The following MGAM variants were observed in gnomAD, a reference collection of about 807,000 sequenced individuals.
MGAM encodes the protein maltase-glucoamylase.
MGAM carries 253 observed loss-of-function variants against 358.8 expected under a neutral mutation model. The observed-to-expected ratio is 0.71, with a 90% CI of 0.64 to 0.78. MGAM has a LOEUF of 0.78. Ranked by LOEUF, MGAM falls within the 30% of genes least tolerant of loss-of-function variation. The probability of loss-of-function intolerance (pLI) is 0.00; values close to 1 mark genes in which losing one functional copy is unlikely to be tolerated. For missense variants in MGAM, 3,080 were observed against 3,432.6 expected, an observed-to-expected ratio of 0.90 and a Z score of 2.57; for synonymous variants, 1,105 against 1,227.1, an observed-to-expected ratio of 0.90 and a Z score of 2.08.
At chr7:142,043,583 A>AAATAT (rs201199908) in intron 21 of MGAM, among the ~76,000 whole-genome samples, 7,689 of 35,286 alleles carry the variant, frequency 0.22, 2,418 homozygotes, top group African/African-American at 0.34. Context: ...TATGATATCT[A>AAATAT]AATATATAAT....
intron 20 of MGAM, 115 bp from the exon 21 acceptor site, chr7:142,040,607 C>A: frequency 7.5e-7 from 1 of 1,341,238 alleles, no homozygotes; most frequent in Non-Finnish European, 1.0e-6. Flanking sequence ...CCTGGCTAGA[C>A]CATAATTCAG....
chr7:142,013,281 C>A (rs1317741835), intron 3 of MGAM, among the ~76,000 whole-genome samples: 3 of 151,898 alleles, frequency 2.0e-5, no homozygotes, highest in Non-Finnish European at 4.4e-5. Context: ...AGGTCTAATG[C>A]GAATTGTGAG....
chr7:142,042,049 T>TAACATAC (rs1394074101), intron 21 of MGAM, among the ~76,000 whole-genome samples: 10 of 45,682 alleles, frequency 2.2e-4, no homozygotes, highest in African/African-American at 8.4e-4. Context: ...ATATAATATA[T>TAACATAC]AATATATATA....
chr7:142,041,171 C>G (rs1265555645), intron 21 of MGAM, among the ~76,000 whole-genome samples: 1 of 152,074 alleles, frequency 6.6e-6, no homozygotes, highest in African/African-American at 2.4e-5. Flanking sequence ...AGATTTCTTT[C>G]TTGTGATTCA....
At chr7:142,024,984 C>T in intron 7 of MGAM, 66 bp from the exon 8 acceptor site, 1 of 1,175,458 alleles carries the variant, frequency 8.5e-7, no homozygotes. Context: ...TTTCCTAAAC[C>T]AACCCCACAG....
Position 142,021,619 on chromosome 7 carries a change from C to G in MGAM, c.592C>G (p.Pro198Ala). The G allele has an allele frequency of 6.2e-7, 1 of 1,613,878 alleles. No homozygotes were observed. The highest frequency in any genetic ancestry group is 1.1e-5 in the South Asian group (1 of 91,082). The change falls in exon 6 of 71, where the codon CCC becomes GCC. Residue 198 changes from proline to alanine, a missense_variant. Transcript: ENST00000475668. ...CCAAACCAATAACAGGTTTGAAGTG[C>G]CCCACGAACACGTGCAGTCCTTCAG... is the stretch of plus-strand genomic sequence containing the variant. ...TDQTNNRFEV[P>A]HEHVQSFSGN...
chr7:142,070,944 GGA>G (rs1242576223), intron 43 of MGAM, 48 bp from the exon 44 acceptor site: 1 of 1,549,444 alleles, frequency 6.5e-7, no homozygotes, highest in African/African-American at 1.3e-5. Flanking sequence ...CATTGTTCAG[GGA>G]GGGGCCTGTC....
intron 24 of MGAM, among the ~76,000 whole-genome samples, chr7:142,051,859 G>A (rs1811002098): frequency 6.6e-6 from 1 of 152,084 alleles, no homozygotes; most frequent in African/African-American, 2.4e-5. Flanking sequence ...AGAAATGTGG[G>A]CATGATAACC....
rs992394789 is a variant in MGAM, at chr7:142,075,082, G to C, written c.5275+909G>C. Among the ~76,000 whole-genome samples, 85 of 146,168 alleles carry C rather than the reference G, an allele frequency of 5.8e-4. 5 individuals are homozygous for C. Among genetic ancestry groups the C allele is most frequent in the African/African-American group, 1.9e-3 (80 of 41,086 alleles). On this transcript the variant is annotated intron_variant, in intron 45 of 70. Transcript: ENST00000475668. Reference sequence around the variant, plus strand: ...GAACTTTTTTAGATTCCACATATGAGTGAGACCACGCAGTATTGGACTTTC... The same window carrying C: ...GAACTTTTTTAGATTCCACATATGACTGAGACCACGCAGTATTGGACTTTC...
At chr7:142,097,558 T>C in intron 65 of MGAM, 35 bp from the exon 66 acceptor site, 1 of 1,590,770 alleles carries the variant, frequency 6.3e-7, no homozygotes, top group East Asian at 2.2e-5. Flanking sequence ...TGGAAAATGG[T>C]GCCACTGCCA....
chr7:142,009,970 T>C (rs1179507287), intron 3 of MGAM, among the ~76,000 whole-genome samples: 1 of 152,202 alleles, frequency 6.6e-6, no homozygotes, highest in African/African-American at 2.4e-5. Flanking sequence ...CAGAATGTTC[T>C]GGTGTCGAAA....
chr7:142,098,901 C>T (rs1816193646), intron 66 of MGAM, among the ~76,000 whole-genome samples: 2 of 152,154 alleles, frequency 1.3e-5, no homozygotes, highest in African/African-American at 4.8e-5. Context: ...AGAAGTGTCA[C>T]CTTAATTAAT....
chr7:142,048,930 A>G (rs1810674771), intron 22 of MGAM, among the ~76,000 whole-genome samples: 1 of 152,206 alleles, frequency 6.6e-6, no homozygotes, highest in Non-Finnish European at 1.5e-5. Context: ...GAACAGATCC[A>G]TCACCACCCA....
At chr7:142,040,200 CT>C (rs931573073) in intron 20 of MGAM, 29 bp downstream of exon 20, 18 of 1,562,304 alleles carry the variant, frequency 1.2e-5, no homozygotes, top group Non-Finnish European at 1.6e-5. Flanking sequence ...TCTTCTACTC[CT>C]TAAGACTGTA....
chr7:142,030,751 TG>T lies in MGAM; in HGVS notation c.1468del (p.Glu490ArgfsTer32), dbSNP rs1415910912. On this transcript the variant is annotated frameshift_variant, in exon 12 of 71. Transcript: ENST00000475668. LOFTEE classifies it high-confidence loss of function. The part of the protein sequence containing the change: ...NSSDGVTPLI[G>X]EVWPGQTVFP... ...GTTCAGATGGAGTGACTCCACTCAT[TG>T]GGGAGGTAACTTAATGGGAAGGCTG... The T allele has an allele frequency of 6.3e-7, 1 of 1,599,966 alleles. No homozygotes were observed. The highest frequency in any genetic ancestry group is 8.6e-7 in the Non-Finnish European group (1 of 1,167,496).
chr7:142,080,884 G>A lies in MGAM; in HGVS notation c.5941G>A (p.Val1981Ile). 1 of 1,556,580 alleles carries A rather than the reference G, an allele frequency of 6.4e-7. No homozygotes were observed. The highest frequency in any genetic ancestry group is 8.8e-7 in the Non-Finnish European group (1 of 1,132,630). The change falls in exon 50 of 71, where the codon GTC (valine) becomes ATC (isoleucine). Residue 1981 changes from valine (V) to isoleucine (I), a missense_variant. By Grantham distance (29) the Val-to-Ile change is conservative. This residue lies in a region of MGAM where 932 missense variants were observed against 1,198.2 expected (regional missense o/e 0.78). Coordinates refer to ENST00000475668, the MANE Select transcript of MGAM (RefSeq NM_001365693.1). ...SSTPEGQLYD[V>I]LIKKNPFGIE... is the part of the protein sequence containing the mutation. Reference sequence around the variant, plus strand: ...CACCCCTGAGGGTCAACTCTATGATGTCCTCATTAAGAAGAATCCATTTGG... The same window carrying A: ...CACCCCTGAGGGTCAACTCTATGATATCCTCATTAAGAAGAATCCATTTGG...
At chr7:142,019,842 A>G (rs534005923) in intron 4 of MGAM, among the ~76,000 whole-genome samples, 6 of 152,198 alleles carry the variant, frequency 3.9e-5, no homozygotes, top group Non-Finnish European at 7.4e-5. Context: ...GCCGAGGTGG[A>G]TAGATCACCT....
At chr7:141,993,405 A>C (rs1804028579), upstream of MGAM, among the ~76,000 whole-genome samples, 1 of 152,260 alleles carries the variant, frequency 6.6e-6, no homozygotes, top group African/African-American at 2.4e-5. Context: ...CCATTTTTTA[A>C]TTATCAAGAT....
At chr7:142,082,241 C>T (rs748350790) in intron 51 of MGAM, 31 bp downstream of exon 51, 1 of 1,540,816 alleles carries the variant, frequency 6.5e-7, no homozygotes, top group South Asian at 1.1e-5. Flanking sequence ...ATCTGTGTCT[C>T]TGCTTCTCTC....
Sources: gnomAD v4.1 joint callset for allele counts (sites outside exome capture counted in the v4.1 genomes callset) on GRCh38, gnomAD v4.1.1 for gene constraint, gnomAD v4.1.1 regional missense constraint, MANE v1.5 for transcripts, NCBI Gene and HGNC (gene_info 2026-07-23, HGNC 2026-07-21) for gene names.